Variants in DDX60 observed in about 807,000 individuals in gnomAD.
DDX60 encodes the protein DExD/H-box helicase 60, also known as probable ATP-dependent RNA helicase DDX60.
A neutral mutation model predicts 212.8 loss-of-function variants in DDX60; 165 were observed. The observed-to-expected ratio is 0.78, with a 90% CI of 0.68 to 0.88. The LOEUF (loss-of-function observed/expected upper bound fraction) is 0.88. DDX60 is among the 40% of genes least tolerant of loss of function. The pLI, the probability that DDX60 is intolerant of heterozygous loss-of-function variation, is 0.00. For synonymous variants in DDX60, 703 were observed against 685.3 expected (o/e 1.03, Z -0.40); for missense variants, 1,905 against 2,003.9 (o/e 0.95, Z 0.94).
intron 10 of DDX60, 111 bp downstream of exon 10, chr4:168,286,937 A>T: frequency 1.3e-6 from 1 of 759,784 alleles, no homozygotes; most frequent in African/African-American, 1.8e-5. Flanking sequence ...TTATTATTAA[A>T]ATTCAAGTGC....
At chr4:168,322,731 C>A (rs1273441628), upstream of DDX60, among the ~76,000 whole-genome samples, 1 of 152,182 alleles carries the variant, frequency 6.6e-6, no homozygotes, top group African/African-American at 2.4e-5. Context: ...TGGCACTTGA[C>A]ACGGAAGTTT....
At chr4:168,297,259 GAAA>G (rs1736389311) in intron 6 of DDX60, among the ~76,000 whole-genome samples, 2 of 141,204 alleles carry the variant, frequency 1.4e-5, no homozygotes, top group African/African-American at 5.7e-5. Flanking sequence ...GGGCTGGAAA[GAAA>G]GAAAGAAAAA....
At chr4:168,217,925 T>C (rs1319839128) in intron 37 of DDX60, among the ~76,000 whole-genome samples, 1 of 152,160 alleles carries the variant, frequency 6.6e-6, no homozygotes, top group Admixed American at 6.5e-5. Flanking sequence ...AATTGTAAAA[T>C]AATAAATTTG....
At chr4:168,285,311 G>A (rs550357707) in intron 11 of DDX60, 82 bp downstream of exon 11, 29 of 826,328 alleles carry the variant, frequency 3.5e-5, no homozygotes, top group Middle Eastern at 3.0e-4. Context: ...TACTCTAATC[G>A]TCTGCATTTC....
chr4:168,256,385 T>C (rs1734414263), intron 25 of DDX60, among the ~76,000 whole-genome samples: 1 of 152,128 alleles, frequency 6.6e-6, no homozygotes, highest in Non-Finnish European at 1.5e-5. Flanking sequence ...TTGCTGGACT[T>C]TGCAATGCAG....
chr4:168,228,682 G>A (rs1733341755), intron 33 of DDX60, among the ~76,000 whole-genome samples: 2 of 151,812 alleles, frequency 1.3e-5, no homozygotes, highest in African/African-American at 4.8e-5. Flanking sequence ...AATTTTATAT[G>A]TTACAATTAT....
At chr4:168,319,211 TA>T (rs771793670), upstream of DDX60, among the ~76,000 whole-genome samples, 9 of 151,370 alleles carry the variant, frequency 5.9e-5, no homozygotes, top group African/African-American at 1.7e-4. Flanking sequence ...AAAATGAAAC[TA>T]AAAAAAACCT....
intron 12 of DDX60, among the ~76,000 whole-genome samples, chr4:168,284,258 G>A (rs1735722601): frequency 6.6e-6 from 1 of 152,128 alleles, no homozygotes; most frequent in African/African-American, 2.4e-5. Flanking sequence ...CTTCACAGGA[G>A]CATACTTGCT....
chr4:168,292,259 G>T (rs985748142), intron 7 of DDX60, among the ~76,000 whole-genome samples: 3 of 151,734 alleles, frequency 2.0e-5, no homozygotes, highest in Non-Finnish European at 4.4e-5. Flanking sequence ...TGGCCAGGCT[G>T]GTCTCGAACT....
Position 168,291,893 on chromosome 4 carries a change from C to G in DDX60, c.896G>C (p.Cys299Ser). ...ATCTTCCATCTCCTGCAGGGTTAAG[C>G]AATTACTGTTCACCTGAATAAAATA... is the stretch of plus-strand genomic sequence containing the variant. ...ETEIQQVNSNCLTLQEMEDLC... is the reference protein window; with the variant it reads ...ETEIQQVNSNSLTLQEMEDLC... The change falls in exon 8 of 38, where the codon TGC (cysteine) becomes TCC (serine). Residue 299 changes from cysteine (C) to serine (S), a missense_variant. By Grantham distance (112) the Cys-to-Ser change is moderately radical (BLOSUM62 -1). Coordinates refer to ENST00000393743, the MANE Select transcript of DDX60 (RefSeq NM_017631.6). 2 of 1,608,922 alleles carry G rather than the reference C, an allele frequency of 1.2e-6. No individual in the cohort carries two copies. Among genetic ancestry groups the G allele is most frequent in the Non-Finnish European group, 1.7e-6 (2 of 1,178,248 alleles).
intron 12 of DDX60, 49 bp from the exon 13 acceptor site, chr4:168,283,655 G>A (rs1281796444): frequency 2.2e-6 from 3 of 1,381,652 alleles, no homozygotes; most frequent in Non-Finnish European, 3.0e-6. Context: ...TTTTTCAATA[G>A]CATTCTCATC....
At chr4:168,262,502 T>A (rs1734662894) in intron 23 of DDX60, among the ~76,000 whole-genome samples, 181 bp downstream of exon 23, 4 of 150,206 alleles carry the variant, frequency 2.7e-5, no homozygotes. Flanking sequence ...TTAAATAAAA[T>A]ACAAATTAAA....
At chr4:168,222,332 G>A (rs1023759301) in intron 35 of DDX60, among the ~76,000 whole-genome samples, 4 of 152,066 alleles carry the variant, frequency 2.6e-5, no homozygotes, top group Non-Finnish European at 5.9e-5. Context: ...AAAACAAAAA[G>A]AAGAAAAGTA....
intron 11 of DDX60, among the ~76,000 whole-genome samples, 192 bp from the exon 12 acceptor site, chr4:168,285,127 C>A (rs1028642855): frequency 6.6e-6 from 1 of 152,078 alleles, no homozygotes; most frequent in Non-Finnish European, 1.5e-5. Context: ...CTCTAACAGT[C>A]CCATCAATAT....
At chr4:168,241,126 A>G (rs1479405553) in intron 30 of DDX60, among the ~76,000 whole-genome samples, 2 of 152,240 alleles carry the variant, frequency 1.3e-5, no homozygotes, top group African/African-American at 4.8e-5. Flanking sequence ...ATTGTAAGAC[A>G]TGACTTGCTC....
intron 2 of DDX60, 49 bp downstream of exon 2, chr4:168,311,207 C>T (rs1012193151): frequency 1.3e-6 from 2 of 1,591,774 alleles, no homozygotes; most frequent in Admixed American, 3.4e-5. Flanking sequence ...ATGTAGTTTA[C>T]AGGGTAACAT....
rs1579075343 is a variant in DDX60 at position 168,302,177 on chromosome 4, T to C, written c.723+123A>G. Reference sequence around the variant, plus strand: ...GGTTTTCATAAATGTTCCGTGGTTATTTAAGATGTTAACATTAGGAGAAGC... The same window carrying C: ...GGTTTTCATAAATGTTCCGTGGTTACTTAAGATGTTAACATTAGGAGAAGC... On this transcript the variant is annotated intron_variant, in intron 6 of 37. Transcript: ENST00000393743. The C allele has an allele frequency of 1.9e-5, 9 of 467,124 alleles. No individual in the cohort carries two copies. The East Asian group carries it at 3.1e-4, about 16-fold the overall frequency. 28.9% of individuals were successfully genotyped at this position (467,124 alleles called of 1,614,324 possible).
chr4:168,311,174 GTTATT>G (rs1271478365), intron 2 of DDX60, 77 bp downstream of exon 2: 2 of 1,513,268 alleles, frequency 1.3e-6, no homozygotes, highest in Non-Finnish European at 1.8e-6. Flanking sequence ...CAGTAATGTG[GTTATT>G]TTAATTCCAT....
At chr4:168,299,709 T>C (rs1736568028) in intron 6 of DDX60, among the ~76,000 whole-genome samples, 1 of 152,174 alleles carries the variant, frequency 6.6e-6, no homozygotes, top group Non-Finnish European at 1.5e-5. Context: ...GTGAAATAGA[T>C]AATTTTCACA....
Sources: gnomAD v4.1 joint callset for allele counts (sites outside exome capture counted in the v4.1 genomes callset) on GRCh38, gnomAD v4.1.1 for gene constraint, MANE v1.5 for transcripts, NCBI Gene and HGNC (gene_info 2026-07-23, HGNC 2026-07-21) for gene names.